The following SLC36A1 variants were observed in gnomAD, a reference collection of about 807,000 sequenced individuals.
SLC36A1 encodes the protein solute carrier family 36 member 1.
A neutral mutation model predicts 47.5 loss-of-function variants in SLC36A1; 30 were observed. The ratio of observed to expected loss-of-function variants is 0.63; its 90% confidence interval spans 0.47 to 0.86. The LOEUF (loss-of-function observed/expected upper bound fraction) is 0.86, where lower values mean the gene tolerates loss of function less well. Among genes scored for constraint, SLC36A1 ranks in the 40% least tolerant of loss-of-function variants. The pLI is 0.00. For synonymous variants in SLC36A1, 255 were observed against 249.7 expected, an observed-to-expected ratio of 1.02 and a Z score of -0.20; for missense variants, 517 against 606.0, an observed-to-expected ratio of 0.85 and a Z score of 1.54.
At chr5:151,464,281 C>T (rs1267109401) in intron 3 of SLC36A1, among the ~76,000 whole-genome samples, 1 of 152,064 alleles carries the variant, frequency 6.6e-6, no homozygotes, top group African/African-American at 2.4e-5. Flanking sequence ...ATCTTATGTC[C>T]TTCTTCTCCA....
chr5:151,534,150 G>C, the SLC36A1 span, among the ~76,000 whole-genome samples: 2 of 152,172 alleles, frequency 1.3e-5, no homozygotes, highest in Non-Finnish European at 2.9e-5. Flanking sequence ...GTATTGAAAA[G>C]TCCCCAGGTC....
chr5:151,520,446 A>G, the SLC36A1 span, among the ~76,000 whole-genome samples: 57 of 152,294 alleles, frequency 3.7e-4, 1 homozygote, highest in African/African-American at 1.3e-3. Context: ...AGATGGGGCT[A>G]ATGACCCTGC....
At chr5:151,365,673 A>C in the SLC36A1 span, among the ~76,000 whole-genome samples, 1 of 152,232 alleles carries the variant, frequency 6.6e-6, no homozygotes, top group Non-Finnish European at 1.5e-5. Flanking sequence ...CAAGGGGTTC[A>C]GTACTAAATA....
the SLC36A1 span, among the ~76,000 whole-genome samples, chr5:151,501,298 A>G: frequency 1.3e-5 from 2 of 152,106 alleles, no homozygotes; most frequent in Non-Finnish European, 2.9e-5. Context: ...GTTCAACCTC[A>G]GAGCCACTGC....
chr5:151,505,873 G>A, the SLC36A1 span: 1 of 1,605,134 alleles, frequency 6.2e-7, no homozygotes. Context: ...AGATCTTCCA[G>A]GTTCTGGTTG....
chr5:151,525,636 A>G, the SLC36A1 span: 8 of 930,438 alleles, frequency 8.6e-6, no homozygotes, highest in Admixed American at 1.7e-4. Context: ...CCTGAGAAGG[A>G]CCTAGCCCAG....
chr5:151,467,999 T>TA (rs1756701382), intron 7 of SLC36A1, 74 bp downstream of exon 7: 1 of 1,274,676 alleles, frequency 7.8e-7, no homozygotes, highest in African/African-American at 1.5e-5. Flanking sequence ...CTCATGCCTG[T>TA]AATCCCAGCA....
chr5:151,555,028 A>G, the SLC36A1 span, among the ~76,000 whole-genome samples: 2 of 152,230 alleles, frequency 1.3e-5, no homozygotes, highest in Admixed American at 6.5e-5. Flanking sequence ...TTGCTCGATT[A>G]GAGAAAATAA....
chr5:151,449,576 A>G (rs1353098017), intron 1 of SLC36A1, among the ~76,000 whole-genome samples: 2 of 152,194 alleles, frequency 1.3e-5, no homozygotes, highest in Admixed American at 6.5e-5. Context: ...AAGTGCTCAG[A>G]GTTTTCTCTG....
chr5:151,371,852 T>C, the SLC36A1 span, among the ~76,000 whole-genome samples: 1 of 152,202 alleles, frequency 6.6e-6, no homozygotes, highest in African/African-American at 2.4e-5. Context: ...GTTTTTCTTT[T>C]CAGGTTTGGG....
chr5:151,517,885 TGAA>T, the SLC36A1 span: 1 of 1,247,776 alleles, frequency 8.0e-7, no homozygotes, highest in Non-Finnish European at 1.1e-6. Flanking sequence ...ATTTTATACA[TGAA>T]GAAACTAGGC....
chr5:151,469,135 A>T, intron 7 of SLC36A1: 1 of 499,372 alleles, frequency 2.0e-6, no homozygotes, highest in East Asian at 3.1e-5. Flanking sequence ...ATAATTCATC[A>T]GTACATATTC....
the SLC36A1 span, chr5:151,546,241 G>A: frequency 1.9e-6 from 3 of 1,614,032 alleles, no homozygotes; most frequent in African/African-American, 2.7e-5. Flanking sequence ...TGCCTTCACT[G>A]TCAGAGTATG....
At chr5:151,423,136 A>G in the SLC36A1 span, among the ~76,000 whole-genome samples, 1 of 152,218 alleles carries the variant, frequency 6.6e-6, no homozygotes, top group African/African-American at 2.4e-5. Context: ...GATAATACCA[A>G]ATGCTGGTGA....
At chr5:151,534,536 G>C in the SLC36A1 span, 24 of 1,613,982 alleles carry the variant, frequency 1.5e-5, no homozygotes, top group Non-Finnish European at 2.0e-5. Flanking sequence ...CCACATGGAG[G>C]GTGATGTCTG....
At chr5:151,535,175 T>C in the SLC36A1 span, among the ~76,000 whole-genome samples, 1 of 151,776 alleles carries the variant, frequency 6.6e-6, no homozygotes, top group Non-Finnish European at 1.5e-5. Flanking sequence ...GTGTTATAAG[T>C]GTATCTTGGT....
chr5:151,449,501 CT>C (rs1238336371), intron 1 of SLC36A1, among the ~76,000 whole-genome samples: 1 of 152,218 alleles, frequency 6.6e-6, no homozygotes. Context: ...TTCGCCTGCT[CT>C]GGAGTCCTTG....
chr5:151,513,524 AC>A, the SLC36A1 span, among the ~76,000 whole-genome samples: 8 of 152,212 alleles, frequency 5.3e-5, no homozygotes, highest in Non-Finnish European at 8.8e-5. Context: ...GTTCTCACTT[AC>A]AAGTGGGAAC....
At chr5:151,378,547 T>G in the SLC36A1 span, 2 of 218,258 alleles carry the variant, frequency 9.2e-6, no homozygotes, top group East Asian at 2.2e-4. Flanking sequence ...CATACATATC[T>G]TTTCCATTTA....
Sources: allele counts gnomAD v4.1 joint callset (sites outside exome capture counted in the v4.1 genomes callset), GRCh38; gene constraint gnomAD v4.1.1; transcripts MANE v1.5; gene names NCBI Gene and HGNC (gene_info 2026-07-23, HGNC 2026-07-21).